The following CDH18 variants were observed in gnomAD, a reference collection of about 807,000 sequenced individuals.
CDH18 encodes cadherin-18.
In CDH18, 31 loss-of-function variants were observed where a neutral mutation model predicts 67.9. That is an observed-to-expected ratio of 0.46 (90% CI 0.34 to 0.62). The LOEUF is 0.62. Among genes scored for constraint, CDH18 ranks in the 20% least tolerant of loss-of-function variants. The pLI is 0.01. For synonymous variants in CDH18, 362 were observed against 347.2 expected, an observed-to-expected ratio of 1.04 and a Z score of -0.48; for missense variants, 890 against 975.5, an observed-to-expected ratio of 0.91 and a Z score of 1.17.
chr5:19,582,137 C>T (rs935315401), intron 7 of CDH18, among the ~76,000 whole-genome samples: 1 of 151,682 alleles, frequency 6.6e-6, no homozygotes, highest in Non-Finnish European at 1.5e-5. Flanking sequence ...AGAAAGTATG[C>T]TTATTATTAT....
At chr5:20,374,276 T>C (rs1417057269) in intron 1 of CDH18, among the ~76,000 whole-genome samples, 1 of 152,216 alleles carries the variant, frequency 6.6e-6, no homozygotes, top group Non-Finnish European at 1.5e-5. Context: ...AAAGTCAATG[T>C]TGAATGAGAT....
At position 19,473,373 on chromosome 5, in the gene CDH18, A is replaced by C; in HGVS notation, c.2226T>G (p.Gly742=). The C allele has an allele frequency of 6.2e-7, 1 of 1,613,800 alleles. No individual in the cohort carries two copies. The highest frequency in any genetic ancestry group is 8.5e-7 in the Non-Finnish European group (1 of 1,179,894). ...TGATAGACCCAGCTTCTGATCTCTG[A>C]CCCTCATAGGCATAAGTCTGAAGAG... is the stretch of plus-strand genomic sequence containing the variant. ...YDSLQTYAYE[G]QRSEAGSISS... Residue 742 remains glycine, a synonymous_variant, in exon 13 of 13, where the codon GGT becomes GGG. Transcript: ENST00000382275.
chr5:19,781,322 GA>G lies in CDH18; in HGVS notation c.229-34087del, dbSNP rs903109871. ...TTCCTGTATGAAATAAAATCACATA[GA>G]AAAAAAACACTCATTTAAAATTTAC... On this transcript the variant is annotated intron_variant, in intron 3 of 12. Coordinates refer to ENST00000382275, the MANE Select transcript of CDH18 (RefSeq NM_004934.5). Among the ~76,000 whole-genome samples the G allele has an allele frequency of 5.7e-3, 851 of 149,624 alleles. 4 individuals carry two copies. Among genetic ancestry groups the G allele is most frequent in the African/African-American group, 0.019 (788 of 40,852 alleles).
chr5:19,617,792 A>C (rs1478592365), intron 5 of CDH18, among the ~76,000 whole-genome samples: 1 of 152,034 alleles, frequency 6.6e-6, no homozygotes, highest in Non-Finnish European at 1.5e-5. Flanking sequence ...TTTTCCAATC[A>C]CCTTGATATG....
intron 2 of CDH18, among the ~76,000 whole-genome samples, chr5:20,249,570 G>A (rs1743660673): frequency 6.6e-6 from 1 of 151,844 alleles, no homozygotes; most frequent in Admixed American, 6.6e-5. Flanking sequence ...TTTTAGTAGA[G>A]ACAGGGTTTC....
intron 1 of CDH18, among the ~76,000 whole-genome samples, chr5:20,345,695 T>G (rs1740643157): frequency 6.6e-6 from 1 of 152,118 alleles, no homozygotes; most frequent in South Asian, 2.1e-4. Context: ...TAGTAATTGT[T>G]AGATTTGCCA....
intron 3 of CDH18, among the ~76,000 whole-genome samples, chr5:19,835,843 C>G (rs2150012267): frequency 6.6e-6 from 1 of 152,158 alleles, no homozygotes; most frequent in South Asian, 2.1e-4. Flanking sequence ...TGCATTTGTC[C>G]ATCCATACTA....
chr5:20,117,276 T>C (rs986660531), intron 2 of CDH18, among the ~76,000 whole-genome samples: 1 of 152,130 alleles, frequency 6.6e-6, no homozygotes, highest in South Asian at 2.1e-4. Flanking sequence ...AGCAGAGTAA[T>C]CTGATTTGAC....
intron 2 of CDH18, among the ~76,000 whole-genome samples, chr5:19,840,959 C>T (rs191114922): frequency 1.3e-5 from 2 of 152,054 alleles, no homozygotes; most frequent in Admixed American, 6.6e-5. Flanking sequence ...ATTGACATGA[C>T]AGTATAATTA....
At chr5:19,699,322 A>G (rs544136936) in intron 5 of CDH18, among the ~76,000 whole-genome samples, 101 of 152,268 alleles carry the variant, frequency 6.6e-4, no homozygotes, top group African/African-American at 2.4e-3. Context: ...TTTCCAAACT[A>G]TATTTCAAAA....
intron 5 of CDH18, among the ~76,000 whole-genome samples, chr5:19,626,503 T>A (rs1422965200): frequency 6.6e-6 from 1 of 152,158 alleles, no homozygotes; most frequent in African/African-American, 2.4e-5. Flanking sequence ...ATTCATTCCT[T>A]CAATTGGGAT....
chr5:20,105,847 T>A (rs1347522), intron 2 of CDH18, among the ~76,000 whole-genome samples: 122,843 of 152,148 alleles, frequency 0.81, 51,230 homozygotes, highest in Non-Finnish European at 0.91. Flanking sequence ...TCCCATCTTT[T>A]GGCTATTGTG....
At chr5:19,595,396 C>G (rs1366568132) in intron 6 of CDH18, among the ~76,000 whole-genome samples, 1 of 152,072 alleles carries the variant, frequency 6.6e-6, no homozygotes. Context: ...TTATTTGAAC[C>G]TGGTACGGTG....
At chr5:20,032,861 C>A (rs975457190) in intron 2 of CDH18, among the ~76,000 whole-genome samples, 1 of 151,932 alleles carries the variant, frequency 6.6e-6, no homozygotes, top group South Asian at 2.1e-4. Context: ...TGCCCAGGGT[C>A]ACATAACACA....
At position 20,175,254 on chromosome 5, in the gene CDH18, A is replaced by G. The variant is rs192781862; in HGVS notation, c.-518+80190T>C. Among the ~76,000 whole-genome samples the G allele has an allele frequency of 2.2e-3, 334 of 152,198 alleles. 3 individuals carry two copies. Among genetic ancestry groups the G allele is most frequent in the African/African-American group, 7.5e-3 (312 of 41,548 alleles). ...GAGAGCAGGAGGAGGAGGAAACATA[A>G]GCAACCTATTCCAGATCAGGTGCTA... is the stretch of plus-strand genomic sequence containing the variant. On this transcript the variant is annotated intron_variant, in intron 2 of 14. Coordinates refer to the CDH18 transcript ENST00000507958.
chr5:19,801,824 G>A (rs1420612788), intron 3 of CDH18, among the ~76,000 whole-genome samples: 1 of 152,076 alleles, frequency 6.6e-6, no homozygotes, highest in Non-Finnish European at 1.5e-5. Flanking sequence ...TCCCACAGCT[G>A]CATTACTTAT....
chr5:19,786,707 C>T (rs1046681932), intron 3 of CDH18, among the ~76,000 whole-genome samples: 4 of 152,276 alleles, frequency 2.6e-5, no homozygotes, highest in Middle Eastern at 3.4e-3. Flanking sequence ...TGACACTTAA[C>T]CACACATTTT....
At chr5:19,767,861 G>A (rs973785465) in intron 3 of CDH18, among the ~76,000 whole-genome samples, 2 of 152,022 alleles carry the variant, frequency 1.3e-5, no homozygotes, top group African/African-American at 4.8e-5. Context: ...TTCCAGGGAT[G>A]TATAGAAGAA....
At chr5:19,597,254 T>C (rs1746325820) in intron 6 of CDH18, among the ~76,000 whole-genome samples, 1 of 152,252 alleles carries the variant, frequency 6.6e-6, no homozygotes, top group Non-Finnish European at 1.5e-5. Context: ...CAGCCCCTGC[T>C]GACTTCTACA....
Sources: gnomAD v4.1 joint callset for allele counts (sites outside exome capture counted in the v4.1 genomes callset) on GRCh38, gnomAD v4.1.1 for gene constraint, MANE v1.5 for transcripts, NCBI Gene and HGNC (gene_info 2026-07-23, HGNC 2026-07-21) for gene names.